Variants in LENG9 observed in about 807,000 individuals in gnomAD.
The protein encoded by LENG9 is leukocyte receptor cluster (LRC) member 9.
For synonymous variants in LENG9, 410 were observed against 303.9 expected (o/e 1.35, Z -3.63); for missense variants, 872 against 652.7 (o/e 1.34, Z -3.66).
chr19:54,463,213 C>G lies in LENG9; in HGVS notation c.314G>C (p.Cys105Ser). Residue 105 changes from cysteine to serine, a missense_variant, in exon 1 of 1, where the codon TGC becomes TCC. Physicochemically the swap from Cys to Ser is moderately radical, Grantham distance 112. Transcript: ENST00000611161. ...GAGCGCCGCCAGCGGCTGGTCCCAGCAAAAGGCGCTGAAGGGCTCCTCGCG... is the reference window on the plus strand; with the variant it reads ...GAGCGCCGCCAGCGGCTGGTCCCAGGAAAAGGCGCTGAAGGGCTCCTCGCG... ...GVREEPFSAF[C>S]WDQPLAALGP... is the part of the protein sequence containing the mutation. 4 of 1,554,140 alleles carry G rather than the reference C, an allele frequency of 2.6e-6. No individual in the cohort carries two copies. Among genetic ancestry groups the G allele is most frequent in the Non-Finnish European group, 3.5e-6 (4 of 1,156,408 alleles).
Position 54,462,042 on chromosome 19 carries a change from C to T in LENG9, c.*48G>A. On this transcript the variant is annotated 3_prime_UTR_variant, in exon 1 of 1. Coordinates refer to ENST00000611161, the MANE Select transcript of LENG9 (RefSeq NM_001301782.2). ...CGTGCACGCTCCTGCTTTGTCTTTC[C>T]TGTGTGGGCTGTTTGCATCCATTGT... 5 of 1,529,674 alleles carry T rather than the reference C, an allele frequency of 3.3e-6. No homozygotes were observed. The highest frequency in any genetic ancestry group is 3.5e-6 in the Non-Finnish European group (4 of 1,138,318). The allele number at this position is 1,529,674 out of a possible 1,614,324, so 94.8% of individuals were successfully genotyped here.
rs2084669336 is a variant in LENG9 at position 54,463,488 on chromosome 19, G to T, written c.39C>A (p.Ala13=). 7.6e-7 allele frequency: 1 copy of T among 1,309,626 alleles called. No individual in the cohort carries two copies. Among genetic ancestry groups the T allele is most frequent in the Non-Finnish European group, 9.7e-7 (1 of 1,027,532 alleles). The allele number at this position is 1,309,626 out of a possible 1,614,324, so 81.1% of individuals were successfully genotyped here. Residue 13 remains alanine, a synonymous_variant, in exon 1 of 1, where the codon GCC becomes GCA. Coordinates refer to ENST00000611161, the MANE Select transcript of LENG9 (RefSeq NM_001301782.2). ...AAREPELPQE[A]PATEPAPPPA... ...GCGGGGGCGCGGGTTCCGTGGCGGG[G>T]GCTTCCTGCGGCAACTCCGGCTCTC...
At position 54,462,069 on chromosome 19, in the gene LENG9, T is replaced by G. The variant is rs1362036145; in HGVS notation, c.*21A>C. ...GTGTGGGCTGTTTGCATCCATTGTC[T>G]CCTCCAGAGGTCTGGGGGTGTCACT... On this transcript the variant is annotated 3_prime_UTR_variant, in exon 1 of 1. Coordinates refer to ENST00000611161, the MANE Select transcript of LENG9 (RefSeq NM_001301782.2). 6.5e-7 allele frequency: 1 copy of G among 1,545,982 alleles called. No homozygotes were observed. The highest frequency in any genetic ancestry group is 8.7e-7 in the Non-Finnish European group (1 of 1,149,474).
Position 54,462,872 on chromosome 19 carries a change from G to A in LENG9, c.655C>T (p.Leu219=). ...GTTCCCAAATCAGCAGCTGTGCCCA[G>A]CGCCCTCTCCTGGGCCGCCTCCAGC... The part of the protein sequence containing the change: ...GELEAAQERA[L]GTAADLGTLA... Residue 219 remains leucine, a synonymous_variant, in exon 1 of 1, where the codon CTG becomes TTG. Coordinates refer to ENST00000611161, the MANE Select transcript of LENG9 (RefSeq NM_001301782.2). 1.2e-6 allele frequency: 2 copies of A among 1,612,728 alleles called. No homozygotes were observed. The highest frequency in any genetic ancestry group is 1.7e-6 in the Non-Finnish European group (2 of 1,179,988).
In LENG9 at chr19:54,462,837, TG is replaced by T; in HGVS notation, c.689del (p.Pro230GlnfsTer8). The T allele has an allele frequency of 6.2e-7, 1 of 1,612,536 alleles. No homozygotes were observed. Among genetic ancestry groups the T allele is most frequent in the East Asian group, 2.2e-5 (1 of 44,848 alleles). ...GTAADLGTLA[P>X]RGRLAGVTEA... Reference sequence around the variant, plus strand: ...CAGTCACTCCGGCGAGGCGTCCTCTTGGGGCCAGTGTTCCCAAATCAGCAGC... The same window carrying T: ...CAGTCACTCCGGCGAGGCGTCCTCTTGGGCCAGTGTTCCCAAATCAGCAGC... On this transcript the variant is annotated frameshift_variant, in exon 1 of 1. Coordinates refer to ENST00000611161, the MANE Select transcript of LENG9 (RefSeq NM_001301782.2). LOFTEE classifies it low-confidence loss of function (END_TRUNC).
chr19:54,461,847 A>T lies in LENG9; in HGVS notation c.*243T>A. ...CTGCCATGTAACTGGAGGATGTGCT[A>T]TGAGTTTGCAAACAGCTGGACTGTC... On this transcript the variant is annotated 3_prime_UTR_variant, in exon 1 of 1. Coordinates refer to ENST00000611161, the MANE Select transcript of LENG9 (RefSeq NM_001301782.2). 1.5e-6 allele frequency: 1 copy of T among 668,164 alleles called. No homozygotes were observed. The allele number at this position is 668,164 out of a possible 1,614,324, so 41.4% of individuals were successfully genotyped here.
At position 54,463,503 on chromosome 19, in the gene LENG9, C is replaced by G; in HGVS notation, c.24G>C (p.Glu8Asp). 1 of 1,338,896 alleles carries G rather than the reference C, an allele frequency of 7.5e-7. No homozygotes were observed. Among genetic ancestry groups the G allele is most frequent in the Non-Finnish European group, 9.6e-7 (1 of 1,042,360 alleles). The allele number at this position is 1,338,896 out of a possible 1,614,324, so 82.9% of individuals were successfully genotyped here. A position where few individuals can be genotyped will look rare whatever the true frequency, so the allele number is the denominator to read the frequency against. The change falls in exon 1 of 1, where the codon GAG becomes GAC. Residue 8 changes from glutamate to aspartate, a missense_variant. Coordinates refer to ENST00000611161, the MANE Select transcript of LENG9 (RefSeq NM_001301782.2). ...CCGTGGCGGGGGCTTCCTGCGGCAA[C>G]TCCGGCTCTCTGGCCGCTGCCATGG... Reference protein sequence around the residue: MAAAREPELPQEAPATEP... With the variant: MAAAREPDLPQEAPATEP...
At position 54,462,737 on chromosome 19, in the gene LENG9, C is replaced by G. The variant is rs778566485; in HGVS notation, c.790G>C (p.Gly264Arg). The G allele has an allele frequency of 2.5e-6, 4 of 1,610,992 alleles. No homozygotes were observed. The highest frequency in any genetic ancestry group is 1.7e-5 in the Admixed American group (1 of 60,022). Residue 264 changes from glycine to arginine, a missense_variant, in exon 1 of 1, where the codon GGG becomes CGG. Gly to Arg is a moderately radical substitution (Grantham distance 125). Coordinates refer to ENST00000611161, the MANE Select transcript of LENG9 (RefSeq NM_001301782.2). ...GKEAQALGVPGGSAETTEAEW... is the reference protein window; with the variant it reads ...GKEAQALGVPRGSAETTEAEW... Reference sequence around the variant, plus strand: ...GCTTCTGTCGTCTCAGCGGAGCCCCCCGGGACTCCCAGGGCCTGTGCTTCC... The same window carrying G: ...GCTTCTGTCGTCTCAGCGGAGCCCCGCGGGACTCCCAGGGCCTGTGCTTCC...
rs763367476 is a variant in LENG9 at position 54,462,455 on chromosome 19, C to T, written c.1072G>A (p.Gly358Arg). 14 of 1,613,382 alleles carry T rather than the reference C, an allele frequency of 8.7e-6. No homozygotes were observed. The Admixed American group carries it at 2.2e-4, about 25-fold the overall frequency. Reference sequence around the variant, plus strand: ...GCCAAGAGGGCCCGTCTCAGAGCTCCAATGGCAGCGGCCTCCTCCCCAGCG... The same window carrying T: ...GCCAAGAGGGCCCGTCTCAGAGCTCTAATGGCAGCGGCCTCCTCCCCAGCG... ...AGAGEEAAAI[G>R]ALRRALLAPG... is the part of the protein sequence containing the mutation. The change falls in exon 1 of 1, where the codon GGA becomes AGA. Residue 358 changes from glycine (G) to arginine (R), a missense_variant. Transcript: ENST00000611161.
In LENG9 at chr19:54,462,819, T is replaced by G. The variant is rs1203091387; in HGVS notation, c.708A>C (p.Gly236=). The part of the protein sequence containing the change: ...GTLAPRGRLA[G]VTEALKPTAA... ...CTGTTGGCTTCAGTGCCTCAGTCACTCCGGCGAGGCGTCCTCTTGGGGCCA... is the reference window on the plus strand; with the variant it reads ...CTGTTGGCTTCAGTGCCTCAGTCACGCCGGCGAGGCGTCCTCTTGGGGCCA... The change falls in exon 1 of 1, where the codon GGA becomes GGC. Residue 236 remains glycine, a synonymous_variant. Coordinates refer to ENST00000611161, the MANE Select transcript of LENG9 (RefSeq NM_001301782.2). 6 of 1,610,656 alleles carry G rather than the reference T, an allele frequency of 3.7e-6. No homozygotes were observed. Among genetic ancestry groups the G allele is most frequent in the Non-Finnish European group, 5.1e-6 (6 of 1,179,518 alleles).
In LENG9 at chr19:54,463,464, CG is replaced by C; in HGVS notation, c.62del (p.Pro21ArgfsTer217). ...CTTCCAGGAAGAAGCGGCAGGCCGG[CG>C]GGGGCGCGGGTTCCGTGGCGGGGGC... ...QEAPATEPAP[P>X]PACRFFLEGR... is the part of the protein sequence containing the mutation. On this transcript the variant is annotated frameshift_variant, in exon 1 of 1. Transcript: ENST00000611161. LOFTEE classifies it low-confidence loss of function (END_TRUNC). 1.6e-6 allele frequency: 2 copies of C among 1,285,538 alleles called. No individual in the cohort carries two copies. The highest frequency in any genetic ancestry group is 2.5e-5 in the South Asian group (1 of 40,572). The allele number at this position is 1,285,538 out of a possible 1,614,324, so 79.6% of individuals were successfully genotyped here.
chr19:54,462,146 G>A lies in LENG9; in HGVS notation c.1381C>T (p.Arg461Cys), dbSNP rs759547042. ...CQPLQTLWLC[R>C]IGRTGGPFQP... is the part of the protein sequence containing the mutation. ...AAAGGCCCCCCTGTCCTCCCTATAC[G>A]GCACAGCCAGAGTGTCTGCAGGGGC... Residue 461 changes from arginine (R) to cysteine (C), a missense_variant, in exon 1 of 1, where the codon CGT (arginine) becomes TGT (cysteine). Physicochemically the swap from Arg to Cys is radical, Grantham distance 180. Coordinates refer to ENST00000611161, the MANE Select transcript of LENG9 (RefSeq NM_001301782.2). 3.3e-5 allele frequency: 53 copies of A among 1,604,194 alleles called. No individual in the cohort carries two copies. Among genetic ancestry groups the A allele is most frequent in the African/African-American group, 1.3e-4 (10 of 74,790 alleles).
rs2084646080 is a variant in LENG9, at chr19:54,463,031, C to T, written c.496G>A (p.Gly166Ser). ...PTILDAPNTEGAHGAEGAEWT... is the reference protein window; with the variant it reads ...PTILDAPNTESAHGAEGAEWT... ...TCGGCACCCTCTGCCCCGTGGGCGC[C>T]CTCGGTGTTCGGTGCGTCCAGGATG... Residue 166 changes from glycine (G) to serine (S), a missense_variant, in exon 1 of 1, where the codon GGC (glycine) becomes AGC (serine). Gly to Ser is a moderately conservative substitution (Grantham distance 56, BLOSUM62 0). Coordinates refer to ENST00000611161, the MANE Select transcript of LENG9 (RefSeq NM_001301782.2). The T allele has an allele frequency of 1.2e-6, 2 of 1,603,346 alleles. No homozygotes were observed. Among genetic ancestry groups the T allele is most frequent in the Non-Finnish European group, 1.7e-6 (2 of 1,179,548 alleles).
rs746573973 is a variant in LENG9, at chr19:54,463,170, T to A, written c.357A>T (p.Ala119=). The part of the protein sequence containing the change: ...PLAALGPGVL[A]VPQHRVRFFR... ...AGAAGCGCACGCGGTGCTGGGGCACTGCCAGCACGCCCGGCCCGAGCGCCG... is the reference window on the plus strand; with the variant it reads ...AGAAGCGCACGCGGTGCTGGGGCACAGCCAGCACGCCCGGCCCGAGCGCCG... Residue 119 remains alanine (A), a synonymous_variant, in exon 1 of 1, where the codon GCA becomes GCT. Coordinates refer to ENST00000611161, the MANE Select transcript of LENG9 (RefSeq NM_001301782.2). 1.9e-6 allele frequency: 3 copies of A among 1,584,170 alleles called. No homozygotes were observed. In the East Asian group the frequency reaches 6.8e-5, roughly 36 times the overall value.
chr19:54,462,609 G>A lies in LENG9; in HGVS notation c.918C>T (p.Thr306=), dbSNP rs201825526. ...TCACTTCTGCTTGTAGCCCAGGCTCGGTCACCATGAGGGCCACAAAATGTG... is the reference window on the plus strand; with the variant it reads ...TCACTTCTGCTTGTAGCCCAGGCTCAGTCACCATGAGGGCCACAAAATGTG... ...RPTHFVALMV[T]EPGLQAEVTK... is the part of the protein sequence containing the mutation. Residue 306 remains threonine (T), a synonymous_variant, in exon 1 of 1, where the codon ACC becomes ACT. Transcript: ENST00000611161. 2 of 1,613,786 alleles carry A rather than the reference G, an allele frequency of 1.2e-6. No homozygotes were observed. The highest frequency in any genetic ancestry group is 2.7e-5 in the African/African-American group (2 of 75,048).
chr19:54,463,270 G>A lies in LENG9; in HGVS notation c.257C>T (p.Ser86Leu). The change falls in exon 1 of 1, where the codon TCG becomes TTG. Residue 86 changes from serine to leucine, a missense_variant. Physicochemically the swap from Ser to Leu is moderately radical, Grantham distance 145. Coordinates refer to ENST00000611161, the MANE Select transcript of LENG9 (RefSeq NM_001301782.2). ...WDPRLDPADF[S>L]VGYVDRFLGV... ...CAGAAAGCGGTCGACGTAGCCCACC[G>A]AGAAGTCGGCGGGGTCGAGGCGCGG... 1.9e-6 allele frequency: 3 copies of A among 1,542,672 alleles called. No individual in the cohort carries two copies. Among genetic ancestry groups the A allele is most frequent in the Non-Finnish European group, 2.6e-6 (3 of 1,150,348 alleles).
rs2084663906 is a variant in LENG9, at chr19:54,463,375, C to A, written c.152G>T (p.Arg51Leu). ...PHPGAPAPPG[R>L]EAQPEAGAKK... ...GGCCCCGGCCTCCGGCTGCGCCTCGCGGCCAGGCGGCGCCGGCGCCCCAGG... is the reference window on the plus strand; with the variant it reads ...GGCCCCGGCCTCCGGCTGCGCCTCGAGGCCAGGCGGCGCCGGCGCCCCAGG... The change falls in exon 1 of 1, where the codon CGC (arginine) becomes CTC (leucine). Residue 51 changes from arginine (R) to leucine (L), a missense_variant. Physicochemically the swap from Arg to Leu is moderately radical, Grantham distance 102. Coordinates refer to ENST00000611161, the MANE Select transcript of LENG9 (RefSeq NM_001301782.2). 3 of 1,303,544 alleles carry A rather than the reference C, an allele frequency of 2.3e-6. No homozygotes were observed. The highest frequency in any genetic ancestry group is 2.9e-6 in the Non-Finnish European group (3 of 1,029,678). 80.7% of individuals were successfully genotyped at this position (1,303,544 alleles called of 1,614,324 possible).
At position 54,462,945 on chromosome 19, in the gene LENG9, C is replaced by T. The variant is rs1455951132; in HGVS notation, c.582G>A (p.Arg194=). The T allele has an allele frequency of 6.2e-7, 1 of 1,611,278 alleles. No individual in the cohort carries two copies. The highest frequency in any genetic ancestry group is 8.5e-7 in the Non-Finnish European group (1 of 1,179,920). The change falls in exon 1 of 1, where the codon AGG becomes AGA. Residue 194 remains arginine, a synonymous_variant. Transcript: ENST00000611161. The part of the protein sequence containing the change: ...AQAAPKRGST[R]PLCTGHQEPG... Reference sequence around the variant, plus strand: ...GTTCCTGGTGCCCTGTGCAGAGCGGCCTTGTGCTCCCTCGCTTGGGGGCAG... The same window carrying T: ...GTTCCTGGTGCCCTGTGCAGAGCGGTCTTGTGCTCCCTCGCTTGGGGGCAG...
In LENG9 at chr19:54,462,796, G is replaced by T. The variant is rs1477062022; in HGVS notation, c.731C>A (p.Thr244Lys). 1 of 1,581,042 alleles carries T rather than the reference G, an allele frequency of 6.3e-7. No individual in the cohort carries two copies. The highest frequency in any genetic ancestry group is 8.5e-7 in the Non-Finnish European group (1 of 1,170,708). ...CAGCAATGTGGTCCTGGTGGCTGCTGTTGGCTTCAGTGCCTCAGTCACTCC... is the reference window on the plus strand; with the variant it reads ...CAGCAATGTGGTCCTGGTGGCTGCTTTTGGCTTCAGTGCCTCAGTCACTCC... Reference protein sequence around the residue: ...LAGVTEALKPTAATRTTLLGG... With the variant: ...LAGVTEALKPKAATRTTLLGG... Residue 244 changes from threonine (T) to lysine (K), a missense_variant, in exon 1 of 1, where the codon ACA becomes AAA. Thr to Lys is a moderately conservative substitution (Grantham distance 78). Transcript: ENST00000611161.
Sources: allele counts gnomAD v4.1 joint callset, GRCh38; gene constraint gnomAD v4.1.1; transcripts MANE v1.5; gene names NCBI Gene and HGNC (gene_info 2026-07-23, HGNC 2026-07-21).